The following LRRC7 variants were observed in gnomAD, a reference collection of about 807,000 sequenced individuals.
The protein encoded by LRRC7 is leucine-rich repeat-containing protein 7.
A neutral mutation model predicts 175.7 loss-of-function variants in LRRC7; 23 were observed. The ratio of observed to expected loss-of-function variants is 0.13; its 90% CI spans 0.09 to 0.19. The LOEUF (loss-of-function observed/expected upper bound fraction) is 0.19. Among genes scored for constraint, LRRC7 ranks in the 10% least tolerant of loss-of-function variants. The pLI, the probability that LRRC7 is intolerant of heterozygous loss-of-function variation, is 1.00. For missense variants in LRRC7, 1,354 were observed against 1,904.7 expected (o/e 0.71, Z 5.38); for synonymous variants, 685 against 680.9 (o/e 1.01, Z -0.09).
intron 1 of LRRC7, among the ~76,000 whole-genome samples, chr1:69,643,425 G>A (rs1654531543): frequency 1.3e-5 from 2 of 152,068 alleles, no homozygotes; most frequent in Non-Finnish European, 2.9e-5. Context: ...CCAACTGCCA[G>A]CCAATATCAC....
chr1:70,087,380 T>G (rs990985592), intron 24 of LRRC7, among the ~76,000 whole-genome samples: 5 of 152,262 alleles, frequency 3.3e-5, no homozygotes, highest in Non-Finnish European at 5.9e-5. Flanking sequence ...AATGTTCACA[T>G]TAGAAAGATA....
At chr1:69,783,228 G>A (rs1435462796) in intron 3 of LRRC7, among the ~76,000 whole-genome samples, 1 of 152,086 alleles carries the variant, frequency 6.6e-6, no homozygotes, top group Non-Finnish European at 1.5e-5. Flanking sequence ...TGTAAACATG[G>A]TTGAAGTGTT....
intron 7 of LRRC7, among the ~76,000 whole-genome samples, chr1:69,914,391 A>G (rs1283205029): frequency 6.6e-6 from 1 of 152,212 alleles, no homozygotes; most frequent in East Asian, 1.9e-4. Flanking sequence ...AAATTCCATC[A>G]CTGCTTCAAC....
intron 24 of LRRC7, among the ~76,000 whole-genome samples, chr1:70,080,367 TG>T (rs1663117159): frequency 6.6e-6 from 1 of 152,226 alleles, no homozygotes; most frequent in Non-Finnish European, 1.5e-5. Context: ...GAGTGTCATT[TG>T]TTATGTAAGC....
intron 1 of LRRC7, among the ~76,000 whole-genome samples, chr1:69,609,721 A>G (rs12073307): frequency 0.074 from 11,188 of 152,124 alleles, 655 homozygotes; most frequent in African/African-American, 0.16. Flanking sequence ...TACAATTTTT[A>G]ATGAGTAATA....
At chr1:69,867,816 A>G (rs1446794248) in intron 7 of LRRC7, among the ~76,000 whole-genome samples, 1 of 152,186 alleles carries the variant, frequency 6.6e-6, no homozygotes, top group Non-Finnish European at 1.5e-5. Flanking sequence ...TTATTATGCT[A>G]TAAACAGATG....
At chr1:69,610,580 C>T (rs1648550317) in intron 1 of LRRC7, among the ~76,000 whole-genome samples, 2 of 151,608 alleles carry the variant, frequency 1.3e-5, no homozygotes, top group Admixed American at 1.3e-4. Flanking sequence ...GCTTCTTTGT[C>T]TTTTGTTCAT....
At chr1:69,969,661 A>T (rs1331977219) in intron 8 of LRRC7, among the ~76,000 whole-genome samples, 1 of 152,140 alleles carries the variant, frequency 6.6e-6, no homozygotes, top group African/African-American at 2.4e-5. Context: ...AAATGAGATA[A>T]ACAGCAACAC....
At chr1:70,019,151 A>G (rs142426768) in intron 15 of LRRC7, among the ~76,000 whole-genome samples, 1 of 152,180 alleles carries the variant, frequency 6.6e-6, no homozygotes, top group East Asian at 1.9e-4. Flanking sequence ...AGCTAAGAGC[A>G]GTCAGATCCT....
chr1:69,903,092 C>T (rs1646184990), intron 7 of LRRC7, among the ~76,000 whole-genome samples: 1 of 152,128 alleles, frequency 6.6e-6, no homozygotes, highest in African/African-American at 2.4e-5. Flanking sequence ...CAAATGATAA[C>T]CATGGCAAAA....
At chr1:69,767,743 T>C (rs1671780801) in intron 3 of LRRC7, among the ~76,000 whole-genome samples, 1 of 152,208 alleles carries the variant, frequency 6.6e-6, no homozygotes, top group Admixed American at 6.5e-5. Context: ...TTTACAGACA[T>C]GAGCCACCGT....
intron 7 of LRRC7, among the ~76,000 whole-genome samples, chr1:69,857,301 T>C (rs1240955961): frequency 6.6e-6 from 1 of 152,078 alleles, no homozygotes; most frequent in Non-Finnish European, 1.5e-5. Flanking sequence ...GGGTATCCAA[T>C]TAGGAAAAGA....
rs576938739 is a variant in LRRC7 at position 69,759,699 on chromosome 1, C to T, written c.101-492C>T. On this transcript the variant is annotated intron_variant, in intron 2 of 26. Transcript: ENST00000651989. ...TGTTATTCAGTAAATATCTATTCAC[C>T]GATGAAATTTGTGGGCTACAAAGAG... 3.3e-5 allele frequency among the ~76,000 whole-genome samples: 5 copies of T among 151,894 alleles called. No individual in the cohort carries two copies. In the South Asian group the frequency reaches 6.2e-4, roughly 19 times the overall value.
chr1:70,005,889 C>T (rs1373814533), intron 11 of LRRC7, among the ~76,000 whole-genome samples: 2 of 151,998 alleles, frequency 1.3e-5, no homozygotes, highest in African/African-American at 4.8e-5. Flanking sequence ...GTTTGGGAAA[C>T]ACTGCTTTAA....
At chr1:70,097,716 G>GT (rs983563927) in intron 25 of LRRC7, among the ~76,000 whole-genome samples, 10 of 150,840 alleles carry the variant, frequency 6.6e-5, no homozygotes, top group Non-Finnish European at 1.3e-4. Flanking sequence ...GCGGTGTTTG[G>GT]TTTTTTGTTC....
At chr1:69,709,960 C>G (rs962480663) in intron 2 of LRRC7, among the ~76,000 whole-genome samples, 9 of 151,932 alleles carry the variant, frequency 5.9e-5, no homozygotes, top group Non-Finnish European at 1.0e-4. Flanking sequence ...AGTTTCATTT[C>G]TTATGATAAT....
At chr1:69,683,092 C>T (rs2100621894) in intron 2 of LRRC7, among the ~76,000 whole-genome samples, 1 of 152,186 alleles carries the variant, frequency 6.6e-6, no homozygotes, top group African/African-American at 2.4e-5. Flanking sequence ...AATTCAAAAC[C>T]AAAACTATGA....
intron 7 of LRRC7, among the ~76,000 whole-genome samples, chr1:69,923,504 G>A (rs981586688): frequency 3.2e-4 from 48 of 152,150 alleles, no homozygotes; most frequent in African/African-American, 1.1e-3. Context: ...TTTAATGATT[G>A]CCATTCTAAC....
chr1:70,122,358 A>G lies in LRRC7; in HGVS notation c.*471A>G, dbSNP rs1435011276. ...GTTGGCATATATACAAAAAGAATATAGAGAAAAACAATATTTTCATAAACT... is the reference window on the plus strand; with the variant it reads ...GTTGGCATATATACAAAAAGAATATGGAGAAAAACAATATTTTCATAAACT... On this transcript the variant is annotated 3_prime_UTR_variant, in exon 27 of 27. Coordinates refer to ENST00000651989, the MANE Select transcript of LRRC7 (RefSeq NM_001370785.2). 1 of 152,332 alleles carries G rather than the reference A, an allele frequency of 6.6e-6. No individual in the cohort carries two copies. Among genetic ancestry groups the G allele is most frequent in the East Asian group, 1.9e-4 (1 of 5,206 alleles). 9.4% of individuals were successfully genotyped at this position (152,332 alleles called of 1,614,324 possible).
Sources: gnomAD v4.1 joint callset for allele counts (sites outside exome capture counted in the v4.1 genomes callset) on GRCh38, gnomAD v4.1.1 for gene constraint, MANE v1.5 for transcripts, NCBI Gene and HGNC (gene_info 2026-07-23, HGNC 2026-07-21) for gene names.